The following RHOBTB2 variants were observed in gnomAD, a reference collection of about 807,000 sequenced individuals.
The protein encoded by RHOBTB2 is rho-related BTB domain-containing protein 2.
In RHOBTB2, 39 loss-of-function variants were observed where a neutral mutation model predicts 66.5. That is an observed-to-expected ratio of 0.59 (90% CI 0.45 to 0.77). The LOEUF is 0.77. Ranked by LOEUF, RHOBTB2 falls within the 30% of genes least tolerant of loss-of-function variation. RHOBTB2 has a pLI of 0.00. For synonymous variants in RHOBTB2, 390 were observed against 395.0 expected (o/e 0.99, Z 0.15); for missense variants, 755 against 999.1 (o/e 0.76, Z 3.29).
At chr8:22,963,068 G>A in the RHOBTB2 span, among the ~76,000 whole-genome samples, 1 of 152,178 alleles carries the variant, frequency 6.6e-6, no homozygotes, top group Non-Finnish European at 1.5e-5. Flanking sequence ...GCCCACTAGA[G>A]ACTATATAGC....
intron 2 of RHOBTB2, among the ~76,000 whole-genome samples, chr8:22,992,604 C>A (rs953325382): frequency 6.6e-6 from 1 of 152,212 alleles, no homozygotes; most frequent in Non-Finnish European, 1.5e-5. Context: ...CTGCTGCAGA[C>A]CTGCTTGATG....
intron 8 of RHOBTB2, 148 bp from the exon 9 acceptor site, chr8:23,015,490 G>A (rs1231315259): frequency 1.7e-6 from 1 of 596,948 alleles, no homozygotes; most frequent in Non-Finnish European, 3.0e-6. Flanking sequence ...AGTTTTGTGT[G>A]GCCTTGCCTC....
At chr8:22,989,507 TGGCAG>T (rs1563282319) in intron 1 of RHOBTB2, among the ~76,000 whole-genome samples, 2 of 152,218 alleles carry the variant, frequency 1.3e-5, no homozygotes, top group Non-Finnish European at 2.9e-5. Flanking sequence ...CTTGTGGATG[TGGCAG>T]GGCTCCAGGT....
intron 1 of RHOBTB2, among the ~76,000 whole-genome samples, chr8:23,000,982 G>A (rs930014315): frequency 6.6e-6 from 1 of 150,382 alleles, no homozygotes; most frequent in Non-Finnish European, 1.5e-5. Context: ...TCTGAGCTCT[G>A]CAAAGAGTGT....
chr8:22,997,446 C>T (rs1364380755), upstream of RHOBTB2, among the ~76,000 whole-genome samples: 4 of 151,940 alleles, frequency 2.6e-5, no homozygotes, highest in East Asian at 1.9e-4. Context: ...TGAGTGTGAG[C>T]GGGGCGGGGC....
At chr8:23,007,816 T>G in intron 5 of RHOBTB2, 70 bp downstream of exon 5, 8 of 1,564,110 alleles carry the variant, frequency 5.1e-6, no homozygotes, top group Non-Finnish European at 6.1e-6. Flanking sequence ...CTGTCTCAGC[T>G]CCTGGTGTCC....
chr8:22,986,722 C>T (rs1474001955), upstream of RHOBTB2, among the ~76,000 whole-genome samples: 2 of 152,162 alleles, frequency 1.3e-5, no homozygotes, highest in African/African-American at 4.8e-5. Context: ...CTTAGCATCC[C>T]AAATCAGGAG....
Position 23,015,707 on chromosome 8 carries a change from C to T in RHOBTB2, c.1930C>T (p.Arg644Cys), listed in dbSNP as rs1234601607. Reference protein sequence around the residue: ...HICTNYNNVCRKFPRDMKAMS... With the variant: ...HICTNYNNVCCKFPRDMKAMS... ...CTGCACCAACTACAACAACGTGTGC[C>T]GCAAGTTCCCCCGAGACATGAAGGC... is the stretch of plus-strand genomic sequence containing the variant. The change falls in exon 9 of 10, where the codon CGC (arginine) becomes TGC (cysteine). Residue 644 changes from arginine (R) to cysteine (C), a missense_variant. By Grantham distance (180) the Arg-to-Cys change is radical. Coordinates refer to ENST00000251822, the MANE Select transcript of RHOBTB2 (RefSeq NM_015178.3). The T allele has an allele frequency of 8.7e-6, 14 of 1,613,868 alleles. No homozygotes were observed. The highest frequency in any genetic ancestry group is 5.0e-5 in the Admixed American group (3 of 59,994).
the RHOBTB2 span, among the ~76,000 whole-genome samples, chr8:22,980,305 T>C: frequency 5.9e-5 from 9 of 152,220 alleles, no homozygotes; most frequent in African/African-American, 1.9e-4. Flanking sequence ...AGGAGTATTA[T>C]CACTCTTTAA....
chr8:22,989,447 C>T (rs1470578391), intron 1 of RHOBTB2, among the ~76,000 whole-genome samples: 1 of 152,208 alleles, frequency 6.6e-6, no homozygotes, highest in African/African-American at 2.4e-5. Flanking sequence ...CATCTGGCCG[C>T]ATTTCAACAT....
At chr8:22,987,985 AC>A (rs935735128) in intron 1 of RHOBTB2, among the ~76,000 whole-genome samples, 3 of 151,358 alleles carry the variant, frequency 2.0e-5, no homozygotes, top group Non-Finnish European at 2.9e-5. Flanking sequence ...ACTGCACCCC[AC>A]CCCCCACAAC....
At chr8:22,960,809 CA>C in the RHOBTB2 span, among the ~76,000 whole-genome samples, 1 of 152,178 alleles carries the variant, frequency 6.6e-6, no homozygotes, top group Admixed American at 6.5e-5. Context: ...CTGGGACTCA[CA>C]ATCACTTTCT....
intron 1 of RHOBTB2, among the ~76,000 whole-genome samples, chr8:23,002,896 C>T (rs1810827392): frequency 6.6e-6 from 1 of 152,200 alleles, no homozygotes; most frequent in African/African-American, 2.4e-5. Context: ...TGAGATGCAT[C>T]CACTCGCACG....
At chr8:22,967,471 C>T in the RHOBTB2 span, among the ~76,000 whole-genome samples, 7 of 151,764 alleles carry the variant, frequency 4.6e-5, no homozygotes, top group African/African-American at 1.2e-4. Flanking sequence ...ATTAGCTGGG[C>T]GTGATGGCAG....
chr8:23,014,420 T>G (rs1811230583), intron 7 of RHOBTB2, among the ~76,000 whole-genome samples: 1 of 152,244 alleles, frequency 6.6e-6, no homozygotes, highest in Non-Finnish European at 1.5e-5. Context: ...TGTATCAGAT[T>G]ATGTCACGGG....
Position 23,004,391 on chromosome 8 carries a change from A to T in RHOBTB2, c.-10-34A>T. The T allele has an allele frequency of 6.3e-7, 1 of 1,592,614 alleles. No individual in the cohort carries two copies. On this transcript the variant is annotated intron_variant, in intron 1 of 9. Transcript: ENST00000251822. The surrounding 1 kb of genome is among the most constrained non-coding windows in gnomAD (Gnocchi z 6.4). ...CTGGCCCACGGCGAGCTGGCATGCC[A>T]TGCCGTCCTGACCGCCTCCCTCCTC...
In RHOBTB2 at chr8:23,018,312, G is replaced by T. The variant is rs1451282212; in HGVS notation, c.*843G>T. On this transcript the variant is annotated 3_prime_UTR_variant, in exon 10 of 10. Transcript: ENST00000251822. ...CAGGGCCCTCCCCTGCCTCTGGGTG[G>T]CACTGCTTTTTATAGGGTGGGGCAA... The T allele has an allele frequency of 6.6e-6, 1 of 152,640 alleles. No homozygotes were observed. The highest frequency in any genetic ancestry group is 2.4e-5 in the African/African-American group (1 of 41,460). 9.5% of individuals were successfully genotyped at this position (152,640 alleles called of 1,614,324 possible). A position where few individuals can be genotyped will look rare whatever the true frequency, so the allele number is the denominator to read the frequency against.
At chr8:22,962,491 C>CT in the RHOBTB2 span, among the ~76,000 whole-genome samples, 1 of 152,146 alleles carries the variant, frequency 6.6e-6, no homozygotes, top group Non-Finnish European at 1.5e-5. Context: ...TGTTGCTAAA[C>CT]TTTGAGTTTC....
chr8:22,958,734 G>A, the RHOBTB2 span, among the ~76,000 whole-genome samples: 1 of 150,212 alleles, frequency 6.7e-6, no homozygotes, highest in South Asian at 2.1e-4. Flanking sequence ...GCCAGGAGGT[G>A]GAGGCTGCAG....
Sources: allele counts gnomAD v4.1 joint callset (sites outside exome capture counted in the v4.1 genomes callset), GRCh38; gene constraint gnomAD v4.1.1; non-coding constraint Gnocchi (gnomAD v3.1); transcripts MANE v1.5; gene names NCBI Gene and HGNC (gene_info 2026-07-23, HGNC 2026-07-21).